The following AGO4 variants were observed in gnomAD, a reference collection of about 807,000 sequenced individuals.
AGO4 encodes the protein protein argonaute-4.
In AGO4, 33 loss-of-function variants were observed where a neutral mutation model predicts 104.7. That is an observed-to-expected ratio of 0.32 (90% CI 0.24 to 0.42). The LOEUF (loss-of-function observed/expected upper bound fraction) is 0.42. Ranked by LOEUF, AGO4 falls within the 10% of genes least tolerant of loss-of-function variation. The pLI is 1.00. For synonymous variants in AGO4, 331 were observed against 364.7 expected (o/e 0.91, Z 1.05); for missense variants, 711 against 1,083.4 (o/e 0.66, Z 4.83).
In AGO4 at chr1:35,855,375, C is replaced by G. The variant is rs183954294; in HGVS notation, c.*1770C>G. ...CTCATAAACTAGCCTTCTCAAAATC[C>G]CAGCAATATAAAGCACTGTTTTTCT... On this transcript the variant is annotated 3_prime_UTR_variant, in exon 18 of 18. Transcript: ENST00000373210. 13 of 152,696 alleles carry G rather than the reference C, an allele frequency of 8.5e-5. No homozygotes were observed. In the East Asian group the frequency reaches 2.3e-3, roughly 27 times the overall value. 9.5% of individuals were successfully genotyped at this position (152,696 alleles called of 1,614,324 possible). A position where few individuals can be genotyped will look rare whatever the true frequency, so the allele number is the denominator to read the frequency against.
Position 35,825,690 on chromosome 1 carries a change from TG to T in AGO4, c.503del (p.Gly168AlafsTer29). On this transcript the variant is annotated frameshift_variant, in exon 5 of 18. Coordinates refer to ENST00000373210, the MANE Select transcript of AGO4 (RefSeq NM_017629.4). LOFTEE classifies it high-confidence loss of function. ...RHLPSMRYTP[V>X]GRSFFSPPEG... ...TCTTATTTCTTCAGGTACACCCCAG[TG>T]GGCCGTTCCTTTTTCTCACCCCCGG... 6.4e-7 allele frequency: 1 copy of T among 1,557,140 alleles called. No homozygotes were observed. The highest frequency in any genetic ancestry group is 1.4e-5 in the African/African-American group (1 of 72,530).
At chr1:35,815,585 GGA>G (rs1557549422) in intron 1 of AGO4, among the ~76,000 whole-genome samples, 2 of 152,054 alleles carry the variant, frequency 1.3e-5, no homozygotes, top group Admixed American at 6.6e-5. Context: ...TTTTAAGAGG[GGA>G]GAGAGTATGC....
rs186180533 is a variant in AGO4, at chr1:35,854,769, T to C, written c.*1164T>C. 1.3e-5 allele frequency: 2 copies of C among 152,820 alleles called. No homozygotes were observed. Among genetic ancestry groups the C allele is most frequent in the Admixed American group, 1.3e-4 (2 of 15,308 alleles). 9.5% of individuals were successfully genotyped at this position (152,820 alleles called of 1,614,324 possible). On this transcript the variant is annotated 3_prime_UTR_variant, in exon 18 of 18. Transcript: ENST00000373210. ...CCAGTCCTTAAGGTACAATGAGTGA[T>C]GCTGCAACTTGCAAATGTACCAGCA...
At chr1:35,817,874 G>C (rs903021028) in intron 2 of AGO4, among the ~76,000 whole-genome samples, 1 of 152,084 alleles carries the variant, frequency 6.6e-6, no homozygotes, top group Admixed American at 6.6e-5. Flanking sequence ...TAGAAGTGGT[G>C]GTAATGGATA....
intron 15 of AGO4, among the ~76,000 whole-genome samples, chr1:35,845,780 A>G (rs1644558240): frequency 6.6e-6 from 1 of 152,218 alleles, no homozygotes; most frequent in Admixed American, 6.5e-5. Flanking sequence ...TAGGCCAAAA[A>G]CAACAACAAA....
intron 2 of AGO4, among the ~76,000 whole-genome samples, chr1:35,819,989 A>T (rs1018923872): frequency 2.0e-5 from 3 of 152,140 alleles, no homozygotes; most frequent in Non-Finnish European, 2.9e-5. Context: ...AAGCACTCCA[A>T]TATTTAAAGA....
chr1:35,834,309 C>T (rs948848072), intron 12 of AGO4, 135 bp downstream of exon 12: 54 of 760,300 alleles, frequency 7.1e-5, no homozygotes, highest in Non-Finnish European at 9.8e-5. Context: ...GTTTCTTGCT[C>T]CTGTTATGCA....
chr1:35,822,800 A>G, intron 2 of AGO4, 62 bp from the exon 3 acceptor site: 1 of 1,592,788 alleles, frequency 6.3e-7, no homozygotes, highest in African/African-American at 1.3e-5. Context: ...AAGTATGATG[A>G]TGCTTTTCTT....
At chr1:35,835,706 G>C in intron 12 of AGO4, 128 bp from the exon 13 acceptor site, 1 of 705,428 alleles carries the variant, frequency 1.4e-6, no homozygotes, top group African/African-American at 1.9e-5. Flanking sequence ...GAAGACACAT[G>C]AGAAGCATCT....
chr1:35,816,981 C>G lies in AGO4; in HGVS notation c.119C>G (p.Pro40Arg). The change falls in exon 2 of 18, where the codon CCT (proline) becomes CGT (arginine). Residue 40 changes from proline (P) to arginine (R), a missense_variant. By Grantham distance (103) the Pro-to-Arg change is moderately radical. This residue lies in a region of AGO4 where 308 missense variants were observed against 397.8 expected (regional missense o/e 0.77). Coordinates refer to ENST00000373210, the MANE Select transcript of AGO4 (RefSeq NM_017629.4). ...GCCAATCATTTTCAGGTTCAGATTC[C>G]TAAAATAGATGTGTATCACTATGAT... ...LLANHFQVQI[P>R]KIDVYHYDVD... The G allele has an allele frequency of 6.2e-7, 1 of 1,613,940 alleles. No homozygotes were observed. The highest frequency in any genetic ancestry group is 8.5e-7 in the Non-Finnish European group (1 of 1,179,956).
chr1:35,814,014 G>A (rs570301817), intron 1 of AGO4, among the ~76,000 whole-genome samples: 23 of 151,336 alleles, frequency 1.5e-4, no homozygotes, highest in African/African-American at 5.3e-4. Flanking sequence ...GGCGGAGGTT[G>A]CAGTAAGCCG....
At chr1:35,833,044 G>T (rs1440026512) in intron 11 of AGO4, among the ~76,000 whole-genome samples, 1 of 152,158 alleles carries the variant, frequency 6.6e-6, no homozygotes, top group Non-Finnish European at 1.5e-5. Flanking sequence ...ACTTTGGGAG[G>T]CCGAGGTGGG....
chr1:35,857,492 A>T lies in AGO4; in HGVS notation c.*3887A>T, dbSNP rs1444320781. 6.6e-6 allele frequency: 1 copy of T among 152,176 alleles called. No homozygotes were observed. The highest frequency in any genetic ancestry group is 2.4e-5 in the African/African-American group (1 of 41,418). The allele number at this position is 152,176 out of a possible 1,614,324, so 9.4% of individuals were successfully genotyped here. A position where few individuals can be genotyped will look rare whatever the true frequency, so the allele number is the denominator to read the frequency against. The stretch of plus-strand genomic sequence containing the variant: ...TTAAAATGTATTTTATTAAATTTGG[A>T]CTGGATGTATGTCTCTAGCAATACG... On this transcript the variant is annotated 3_prime_UTR_variant, in exon 18 of 18. Transcript: ENST00000373210.
intron 1 of AGO4, among the ~76,000 whole-genome samples, chr1:35,811,342 G>A (rs1183484221): frequency 1.3e-5 from 2 of 151,610 alleles, no homozygotes; most frequent in African/African-American, 4.8e-5. Context: ...GTGTGGTGGT[G>A]TGCTCCTGTA....
rs1644450589 is a variant in AGO4 at position 35,841,807 on chromosome 1, TGC to T, written c.2175+58_2175+59del. ...GAGGCTCTGGCAAGAGATGTATATATGCACATATATATATATATATATATATA... is the reference window on the plus strand; with the variant it reads ...GAGGCTCTGGCAAGAGATGTATATATACATATATATATATATATATATATA... On this transcript the variant is annotated intron_variant, in intron 15 of 17. Transcript: ENST00000373210. This position sits in a 1 kb window ranked among gnomAD's most constrained non-coding sequence, Gnocchi z 4.7. 9.5e-6 allele frequency: 11 copies of T among 1,162,876 alleles called. No individual in the cohort carries two copies. The highest frequency in any genetic ancestry group is 1.2e-6 in the Non-Finnish European group (1 of 866,232). The allele number at this position is 1,162,876 out of a possible 1,614,324, so 72.0% of individuals were successfully genotyped here. A position where few individuals can be genotyped will look rare whatever the true frequency, so the allele number is the denominator to read the frequency against.
At chr1:35,839,944 G>A (rs1644398713) in intron 13 of AGO4, among the ~76,000 whole-genome samples, 1 of 150,110 alleles carries the variant, frequency 6.7e-6, no homozygotes, top group Non-Finnish European at 1.5e-5. Context: ...TCTAGCCTGG[G>A]CAACAGAGTG....
intron 7 of AGO4, among the ~76,000 whole-genome samples, 188 bp from the exon 8 acceptor site, chr1:35,831,239 A>G (rs1052772914): frequency 2.6e-5 from 4 of 152,080 alleles, no homozygotes; most frequent in African/African-American, 9.6e-5. Flanking sequence ...GCACACGCCT[A>G]TAATCCCAAC....
chr1:35,838,811 A>G (rs947184513), intron 13 of AGO4, among the ~76,000 whole-genome samples: 6 of 152,120 alleles, frequency 3.9e-5, no homozygotes, highest in African/African-American at 1.4e-4. Context: ...GTGAAATACT[A>G]TGTGTGAAAG....
chr1:35,829,767 T>C (rs1398871961), intron 7 of AGO4, among the ~76,000 whole-genome samples: 1 of 145,708 alleles, frequency 6.9e-6, no homozygotes, highest in Admixed American at 7.2e-5. Flanking sequence ...GAGAATCACT[T>C]GAACCCGGGA....
Sources: gnomAD v4.1 joint callset for allele counts (sites outside exome capture counted in the v4.1 genomes callset) on GRCh38, gnomAD v4.1.1 for gene constraint, gnomAD v4.1.1 regional missense constraint, Gnocchi (gnomAD v3.1) non-coding constraint, MANE v1.5 for transcripts, NCBI Gene and HGNC (gene_info 2026-07-23, HGNC 2026-07-21) for gene names.